GPR39: variants seen among roughly 807,000 people sequenced by gnomAD.
GPR39 encodes the protein G protein-coupled receptor 39.
In GPR39, 23 loss-of-function variants were observed where a neutral mutation model predicts 18.4. The observed-to-expected ratio is 1.25, with a 90% confidence interval of 0.90 to 1.77. GPR39 has a LOEUF of 1.77. Among genes scored for constraint, GPR39 ranks in the 40% most tolerant of loss-of-function variants. The pLI, the probability that GPR39 is intolerant of heterozygous loss-of-function variation, is 0.00. For missense variants in GPR39, 647 were observed against 602.4 expected (o/e 1.07, Z -0.78); for synonymous variants, 280 against 257.9 (o/e 1.09, Z -0.82).
At chr2:132,436,002 T>A (rs981247806) in intron 1 of GPR39, among the ~76,000 whole-genome samples, 1 of 152,234 alleles carries the variant, frequency 6.6e-6, no homozygotes, top group Non-Finnish European at 1.5e-5. Flanking sequence ...CAATTCCTGA[T>A]GGCTATAAGG....
chr2:132,572,365 G>A lies in GPR39; in HGVS notation c.857-72736G>A, dbSNP rs2104815564. Among the ~76,000 whole-genome samples the A allele has an allele frequency of 1.3e-5, 2 of 152,168 alleles. 1 individual carries two copies. Among genetic ancestry groups the A allele is most frequent in the East Asian group, 3.9e-4 (2 of 5,150 alleles). Reference sequence around the variant, plus strand: ...CAGAGAACTCTGGACAAGTCCTGGAGGGGCTGGAAGTGCATCTGAGCAGAG... The same window carrying A: ...CAGAGAACTCTGGACAAGTCCTGGAAGGGCTGGAAGTGCATCTGAGCAGAG... On this transcript the variant is annotated intron_variant, in intron 1 of 1. Transcript: ENST00000329321.
At chr2:132,602,241 C>T (rs994793078) in intron 1 of GPR39, among the ~76,000 whole-genome samples, 3 of 152,058 alleles carry the variant, frequency 2.0e-5, no homozygotes, top group Admixed American at 6.5e-5. Flanking sequence ...CATATATTTA[C>T]AGCCAACTGA....
At chr2:132,449,247 G>GTTTGTTTGT (rs1234699933) in intron 1 of GPR39, among the ~76,000 whole-genome samples, 1 of 151,650 alleles carries the variant, frequency 6.6e-6, no homozygotes, top group African/African-American at 2.4e-5. Context: ...TTGTTTGTTT[G>GTTTGTTTGT]TTTGTTTTGT....
chr2:132,500,213 G>C (rs1221678331), intron 1 of GPR39, among the ~76,000 whole-genome samples: 1 of 152,170 alleles, frequency 6.6e-6, no homozygotes, highest in East Asian at 1.9e-4. Context: ...AATGTTGGCT[G>C]TGGGTTTGTC....
chr2:132,502,596 T>C (rs573598125), intron 1 of GPR39, among the ~76,000 whole-genome samples: 8 of 152,318 alleles, frequency 5.3e-5, no homozygotes, highest in Non-Finnish European at 7.4e-5. Context: ...TTGGGCGTCT[T>C]ATATTTGGAT....
intron 1 of GPR39, among the ~76,000 whole-genome samples, chr2:132,528,770 T>C (rs759670714): frequency 5.9e-5 from 9 of 152,228 alleles, no homozygotes; most frequent in Non-Finnish European, 1.2e-4. Context: ...CTTGTGATTT[T>C]TGCACATTGA....
At chr2:132,540,786 G>A (rs1679847822) in intron 1 of GPR39, among the ~76,000 whole-genome samples, 1 of 152,160 alleles carries the variant, frequency 6.6e-6, no homozygotes, top group Non-Finnish European at 1.5e-5. Context: ...TTGGAGCTGG[G>A]GCACCCATAT....
intron 1 of GPR39, among the ~76,000 whole-genome samples, chr2:132,553,189 A>G (rs113108715): frequency 0.1 from 15,162 of 151,532 alleles, 942 homozygotes; most frequent in African/African-American, 0.16. Context: ...CTGGGATTAC[A>G]GGCATGAGCC....
At chr2:132,483,640 C>T (rs751283883) in intron 1 of GPR39, among the ~76,000 whole-genome samples, 56 of 152,328 alleles carry the variant, frequency 3.7e-4, no homozygotes, top group Admixed American at 9.1e-4. Context: ...TTAGCCCTTG[C>T]TGGAGTTGTT....
intron 1 of GPR39, among the ~76,000 whole-genome samples, chr2:132,514,003 A>G (rs1266121391): frequency 6.6e-6 from 1 of 152,244 alleles, no homozygotes; most frequent in African/African-American, 2.4e-5. Context: ...GATAACTTGC[A>G]GTCCACCTTC....
chr2:132,472,795 T>A (rs1050797762), intron 1 of GPR39, among the ~76,000 whole-genome samples: 52 of 152,242 alleles, frequency 3.4e-4, no homozygotes, highest in African/African-American at 1.2e-3. Flanking sequence ...GGATATAGTA[T>A]TACTTAGCTT....
At chr2:132,504,862 C>G (rs1257625871) in intron 1 of GPR39, among the ~76,000 whole-genome samples, 1 of 152,088 alleles carries the variant, frequency 6.6e-6, no homozygotes, top group African/African-American at 2.4e-5. Context: ...AATGGGGTGC[C>G]TAAAAATGCT....
At chr2:132,550,376 C>T (rs910787164) in intron 1 of GPR39, among the ~76,000 whole-genome samples, 16 of 152,186 alleles carry the variant, frequency 1.1e-4, no homozygotes, top group African/African-American at 2.2e-4. Context: ...AGGAACAGCG[C>T]GATACAACGG....
intron 1 of GPR39, among the ~76,000 whole-genome samples, chr2:132,489,723 C>T (rs959783029): frequency 6.6e-6 from 1 of 151,838 alleles, no homozygotes; most frequent in Non-Finnish European, 1.5e-5. Flanking sequence ...TACATATTTT[C>T]CTTTTATATA....
chr2:132,517,118 TA>T (rs1325020344), intron 1 of GPR39, among the ~76,000 whole-genome samples: 1 of 152,090 alleles, frequency 6.6e-6, no homozygotes, highest in Non-Finnish European at 1.5e-5. Context: ...GTACTAAATG[TA>T]AAAAGCAAAG....
intron 1 of GPR39, among the ~76,000 whole-genome samples, chr2:132,578,907 C>T (rs562707973): frequency 1.6e-4 from 24 of 152,066 alleles, no homozygotes; most frequent in African/African-American, 5.8e-4. Context: ...GTTTCAAGTT[C>T]ATCAATCTTT....
intron 1 of GPR39, among the ~76,000 whole-genome samples, chr2:132,438,833 T>C (rs1680381368): frequency 6.6e-6 from 1 of 152,186 alleles, no homozygotes; most frequent in Admixed American, 6.5e-5. Flanking sequence ...GCCCAAGCCC[T>C]GGAGAGAAGG....
chr2:132,507,134 G>A (rs1250702680), intron 1 of GPR39, among the ~76,000 whole-genome samples: 1 of 151,874 alleles, frequency 6.6e-6, no homozygotes, highest in Non-Finnish European at 1.5e-5. Context: ...CTATCACATT[G>A]GGAATTCAAT....
At chr2:132,593,862 T>C (rs1373511967) in intron 1 of GPR39, among the ~76,000 whole-genome samples, 4 of 152,100 alleles carry the variant, frequency 2.6e-5, no homozygotes, top group Non-Finnish European at 4.4e-5. Flanking sequence ...AAAGAAGCGC[T>C]CTCCATCTGG....
Sources: allele counts gnomAD v4.1 joint callset (sites outside exome capture counted in the v4.1 genomes callset), GRCh38; gene constraint gnomAD v4.1.1; transcripts MANE v1.5; gene names NCBI Gene and HGNC (gene_info 2026-07-23, HGNC 2026-07-21).